MYO16: variants seen among roughly 807,000 people sequenced by gnomAD.
The protein encoded by MYO16 is myosin XVI.
A neutral mutation model predicts 205.3 loss-of-function variants in MYO16; 94 were observed. That is an observed-to-expected ratio of 0.46 (90% CI 0.39 to 0.54). The LOEUF (loss-of-function observed/expected upper bound fraction) is 0.54. Ranked by LOEUF, MYO16 falls within the 20% of genes least tolerant of loss-of-function variation. MYO16 has a pLI of 0.00. For missense variants in MYO16, 2,315 were observed against 2,387.5 expected, an observed-to-expected ratio of 0.97 and a Z score of 0.63; for synonymous variants, 988 against 954.0, an observed-to-expected ratio of 1.04 and a Z score of -0.66.
At chr13:108,666,624 T>C (rs1881744747) in intron 2 of MYO16, among the ~76,000 whole-genome samples, 1 of 152,096 alleles carries the variant, frequency 6.6e-6, no homozygotes, top group Non-Finnish European at 1.5e-5. Context: ...CTGATGATGA[T>C]TTGGGGCTAT....
chr13:108,594,246 C>A (rs1332854665), upstream of MYO16, among the ~76,000 whole-genome samples: 1 of 152,206 alleles, frequency 6.6e-6, no homozygotes, highest in Non-Finnish European at 1.5e-5. Flanking sequence ...ATCCCACTTC[C>A]TTGAACACCC....
the MYO16 span, among the ~76,000 whole-genome samples, chr13:108,546,315 C>A: frequency 6.6e-6 from 1 of 152,096 alleles, no homozygotes; most frequent in African/African-American, 2.4e-5. Flanking sequence ...TATAAGTGAA[C>A]TGAAACTAGG....
chr13:108,873,083 C>T (rs185169522), intron 12 of MYO16, among the ~76,000 whole-genome samples: 47 of 152,236 alleles, frequency 3.1e-4, no homozygotes, highest in African/African-American at 1.0e-3. Flanking sequence ...TTCATTAAAA[C>T]GATCTTGTTG....
At chr13:108,577,691 C>A in the MYO16 span, among the ~76,000 whole-genome samples, 2 of 152,214 alleles carry the variant, frequency 1.3e-5, no homozygotes, top group African/African-American at 4.8e-5. Context: ...AGTTGTCAGA[C>A]ACTTTGCACT....
intron 9 of MYO16, among the ~76,000 whole-genome samples, chr13:108,827,214 C>T (rs190961194): frequency 6.6e-6 from 1 of 152,166 alleles, no homozygotes; most frequent in African/African-American, 2.4e-5. Flanking sequence ...TTAACCCCAG[C>T]TTCCTATTCC....
At chr13:108,565,280 AT>A in the MYO16 span, among the ~76,000 whole-genome samples, 1 of 152,192 alleles carries the variant, frequency 6.6e-6, no homozygotes, top group East Asian at 1.9e-4. Flanking sequence ...TAGTAGGGAC[AT>A]TTTAACAATA....
chr13:108,504,780 C>T, the MYO16 span, among the ~76,000 whole-genome samples: 1 of 152,094 alleles, frequency 6.6e-6, no homozygotes, highest in South Asian at 2.1e-4. Context: ...TGTGATCCAC[C>T]CACCTCGGCC....
intron 32 of MYO16, among the ~76,000 whole-genome samples, chr13:109,143,592 G>A (rs754188182): frequency 6.6e-6 from 1 of 151,818 alleles, no homozygotes; most frequent in Admixed American, 6.5e-5. Flanking sequence ...ATTCAAGGAA[G>A]TGAAGTTAAT....
In MYO16 at chr13:108,870,924, C is replaced by T. The variant is rs181966312; in HGVS notation, c.1425+4682C>T. 6.3e-3 allele frequency among the ~76,000 whole-genome samples: 963 copies of T among 151,984 alleles called. 2 individuals carry two copies. The highest frequency in any genetic ancestry group is 0.01 in the Non-Finnish European group (694 of 67,960). The stretch of plus-strand genomic sequence containing the variant: ...CTACATGTTTGCTATTTTATAAATT[C>T]ATTATCAATTAGTTTAAGGTATTAT... On this transcript the variant is annotated intron_variant, in intron 12 of 34. Coordinates refer to ENST00000457511, the MANE Select transcript of MYO16 (RefSeq NM_001198950.3).
rs1399562807 is a variant in MYO16 at position 109,055,019 on chromosome 13, T to C, written c.3049-27T>C. On this transcript the variant is annotated intron_variant, in intron 25 of 34. Transcript: ENST00000457511. This position sits in a 1 kb window ranked among gnomAD's most constrained non-coding sequence, Gnocchi z 5.0. ...CTTTCCTTTCCTTTCTTTTCTCCTG[T>C]CCTTCTTGTCTTTCTTTTTATTACA... The C allele has an allele frequency of 2.1e-6, 3 of 1,414,388 alleles. No individual in the cohort carries two copies. Among genetic ancestry groups the C allele is most frequent in the African/African-American group, 2.9e-5 (2 of 67,876 alleles). The allele number at this position is 1,414,388 out of a possible 1,614,324, so 87.6% of individuals were successfully genotyped here. A position where few individuals can be genotyped will look rare whatever the true frequency, so the allele number is the denominator to read the frequency against.
At chr13:109,114,576 G>T (rs1875578085) in intron 28 of MYO16, among the ~76,000 whole-genome samples, 1 of 152,152 alleles carries the variant, frequency 6.6e-6, no homozygotes, top group African/African-American at 2.4e-5. Flanking sequence ...CTGTTTCTTT[G>T]CACCTCCTTT....
upstream of MYO16, among the ~76,000 whole-genome samples, chr13:108,627,579 T>C (rs1879792419): frequency 1.3e-5 from 2 of 152,186 alleles, no homozygotes; most frequent in African/African-American, 2.4e-5. Context: ...CATGAGTCGA[T>C]GAAAAATAAA....
chr13:108,570,817 C>A, the MYO16 span, among the ~76,000 whole-genome samples: 6 of 152,178 alleles, frequency 3.9e-5, no homozygotes, highest in African/African-American at 1.4e-4. Context: ...TAGCCAAAAG[C>A]CTTGCCTCTT....
chr13:109,023,660 T>C (rs775186902), intron 23 of MYO16, among the ~76,000 whole-genome samples: 1,648 of 96,710 alleles, frequency 0.017, 15 homozygotes, highest in Non-Finnish European at 0.027. Flanking sequence ...TGTATATATG[T>C]ATATATGCAA....
At position 108,855,443 on chromosome 13, in the gene MYO16, G is replaced by A. The variant is rs773849183; in HGVS notation, c.1249G>A (p.Val417Ile). 1.3e-6 allele frequency: 2 copies of A among 1,563,774 alleles called. No individual in the cohort carries two copies. The highest frequency in any genetic ancestry group is 1.7e-5 in the Admixed American group (1 of 58,554). ...GATCATACTTTCGGTTCTTCCCCAGGTCAAGCTAATGCCTCCTGCCCCAAA... is the reference window on the plus strand; with the variant it reads ...GATCATACTTTCGGTTCTTCCCCAGATCAAGCTAATGCCTCCTGCCCCAAA... ...MMSGSTKPEQ[V>I]KLMPPAPNDD... Residue 417 changes from valine (V) to isoleucine (I), a missense_variant and splice_region_variant, in exon 11 of 35, where the codon GTC (valine) becomes ATC (isoleucine). Val to Ile is a conservative substitution (Grantham distance 29). This residue lies in a region of MYO16 where 1,213 missense variants were observed against 1,274.4 expected (regional missense o/e 0.95). Transcript: ENST00000457511.
At position 108,660,304 on chromosome 13, in the gene MYO16, G is replaced by A. The variant is rs375262754; in HGVS notation, c.29-5582G>A. On this transcript the variant is annotated intron_variant, in intron 1 of 34. Coordinates refer to ENST00000457511, the MANE Select transcript of MYO16 (RefSeq NM_001198950.3). ...CTGTCAGAAGTCCACTTGTTCCAACGTATAGTTTAAATCCATTGTTTCTTT... is the reference window on the plus strand; with the variant it reads ...CTGTCAGAAGTCCACTTGTTCCAACATATAGTTTAAATCCATTGTTTCTTT... Among the ~76,000 whole-genome samples, 314 of 152,272 alleles carry A rather than the reference G, an allele frequency of 2.1e-3. 8 individuals carry two copies. In the South Asian group the frequency reaches 0.062, roughly 30 times the overall value.
intron 27 of MYO16, among the ~76,000 whole-genome samples, chr13:109,087,285 A>G (rs1888462356): frequency 6.6e-6 from 1 of 152,256 alleles, no homozygotes; most frequent in South Asian, 2.1e-4. Context: ...TATGGTAGTG[A>G]GTAACTCAAT....
At chr13:109,117,458 G>A (rs1875768832) in intron 28 of MYO16, among the ~76,000 whole-genome samples, 1 of 144,302 alleles carries the variant, frequency 6.9e-6, no homozygotes, top group Non-Finnish European at 1.5e-5. Context: ...GTATATATAT[G>A]TATGTGTATA....
intron 23 of MYO16, among the ~76,000 whole-genome samples, chr13:109,022,212 T>C (rs61970228): frequency 0.39 from 52,545 of 134,688 alleles, 10,859 homozygotes; most frequent in East Asian, 0.66. Context: ...TTTATAATTT[T>C]TATATTTATA....
Sources: gnomAD v4.1 joint callset for allele counts (sites outside exome capture counted in the v4.1 genomes callset) on GRCh38, gnomAD v4.1.1 for gene constraint, gnomAD v4.1.1 regional missense constraint, Gnocchi (gnomAD v3.1) non-coding constraint, MANE v1.5 for transcripts, NCBI Gene and HGNC (gene_info 2026-07-23, HGNC 2026-07-21) for gene names.